The following P2RY6 variants were observed in gnomAD, a reference collection of about 807,000 sequenced individuals.
The protein encoded by P2RY6 is pyrimidinergic receptor P2Y6.
Under a neutral mutation model 16.3 loss-of-function variants are expected in P2RY6, and 19 were observed. That is an observed-to-expected ratio of 1.16 (90% CI 0.81 to 1.71). The LOEUF is 1.71. Among genes scored for constraint, P2RY6 ranks in the 40% most tolerant of loss-of-function variants. The pLI is 0.00. For synonymous variants in P2RY6, 184 were observed against 201.5 expected (o/e 0.91, Z 0.74); for missense variants, 389 against 455.5 (o/e 0.85, Z 1.33).
intron 1 of P2RY6, among the ~76,000 whole-genome samples, chr11:73,291,948 C>T (rs772452012): frequency 2.0e-5 from 3 of 152,252 alleles, no homozygotes; most frequent in Non-Finnish European, 4.4e-5. Flanking sequence ...TGCCTTGCTG[C>T]CTCAGCTGCT....
chr11:73,278,503 C>G (rs1863633653), intron 1 of P2RY6, among the ~76,000 whole-genome samples: 1 of 152,110 alleles, frequency 6.6e-6, no homozygotes, highest in Admixed American at 6.6e-5. Context: ...AACTCTATGC[C>G]CATTAAATAA....
At chr11:73,296,232 AAATATATAT>A (rs1313828085) in intron 2 of P2RY6, among the ~76,000 whole-genome samples, 1,960 of 132,862 alleles carry the variant, frequency 0.015, 39 homozygotes, top group African/African-American at 0.058. Context: ...GGAAAAAAAA[AAATATATAT>A]ATATATATAT....
At chr11:73,294,205 A>G (rs1487663411) in intron 1 of P2RY6, among the ~76,000 whole-genome samples, 1 of 152,088 alleles carries the variant, frequency 6.6e-6, no homozygotes, top group African/African-American at 2.4e-5. Flanking sequence ...AATCCTCCTC[A>G]ACCACCCAGG....
chr11:73,289,664 G>A (rs1218254705), intron 1 of P2RY6, among the ~76,000 whole-genome samples: 1 of 152,236 alleles, frequency 6.6e-6, no homozygotes, highest in Non-Finnish European at 1.5e-5. Context: ...CATGGCTACA[G>A]GGTCTCAATG....
chr11:73,275,889 A>G (rs1863515569), intron 1 of P2RY6, among the ~76,000 whole-genome samples: 1 of 152,240 alleles, frequency 6.6e-6, no homozygotes, highest in Non-Finnish European at 1.5e-5. Flanking sequence ...TTTATCTTAT[A>G]ATAACAGCAA....
chr11:73,290,361 AAGAAGGAAAGAAAGAG>A (rs1266302680), intron 1 of P2RY6, among the ~76,000 whole-genome samples: 1 of 106,870 alleles, frequency 9.4e-6, no homozygotes, highest in African/African-American at 4.2e-5. Context: ...GAAAGAAAGA[AAGAAGGAAAGAAAGAG>A]AAAGAAAGAA....
At chr11:73,295,933 GTCTC>G in intron 2 of P2RY6, 118 bp downstream of exon 2, 1 of 206,822 alleles carries the variant, frequency 4.8e-6, no homozygotes, top group Non-Finnish European at 8.5e-6. Flanking sequence ...GCAGGTCTCA[GTCTC>G]TGAGAGACAT....
At chr11:73,277,721 C>T (rs1170375181) in intron 1 of P2RY6, among the ~76,000 whole-genome samples, 1 of 152,218 alleles carries the variant, frequency 6.6e-6, no homozygotes, top group Non-Finnish European at 1.5e-5. Context: ...AGCAAACCTA[C>T]CTGAACTTTG....
intron 1 of P2RY6, among the ~76,000 whole-genome samples, chr11:73,278,096 C>T (rs182849266): frequency 3.9e-5 from 6 of 152,270 alleles, no homozygotes; most frequent in Admixed American, 2.6e-4. Flanking sequence ...ACTAAGTATA[C>T]GCACATTGTT....
In P2RY6 at chr11:73,297,236, A is replaced by C; in HGVS notation, c.718A>C (p.Met240Leu). The C allele has an allele frequency of 6.2e-7, 1 of 1,603,988 alleles. No homozygotes were observed. The change falls in exon 3 of 3, where the codon ATG (methionine) becomes CTG (leucine). Residue 240 changes from methionine (M) to leucine (L), a missense_variant. Coordinates refer to ENST00000540124, the MANE Select transcript of P2RY6 (RefSeq NM_001277204.2). ...GGAGCGGCGTGGCAAGGCGGCCCGC[A>C]TGGCCGTGGTGGTGGCTGCTGCCTT... is the stretch of plus-strand genomic sequence containing the variant. ...AQERRGKAAR[M>L]AVVVAAAFAI... is the part of the protein sequence containing the mutation.
At chr11:73,285,102 G>A (rs181245045) in intron 1 of P2RY6, among the ~76,000 whole-genome samples, 13 of 152,278 alleles carry the variant, frequency 8.5e-5, no homozygotes, top group South Asian at 2.1e-4. Flanking sequence ...ACAGGGTCTC[G>A]CTCTGTAGCC....
At chr11:73,274,504 T>C (rs1214178371) in intron 1 of P2RY6, among the ~76,000 whole-genome samples, 1 of 141,300 alleles carries the variant, frequency 7.1e-6, no homozygotes, top group Non-Finnish European at 1.5e-5. Flanking sequence ...ATCATACCAC[T>C]GCACTCCAGC....
intron 1 of P2RY6, among the ~76,000 whole-genome samples, chr11:73,292,195 G>A (rs964698161): frequency 6.6e-6 from 1 of 152,266 alleles, no homozygotes; most frequent in Admixed American, 6.5e-5. Flanking sequence ...CGCCTGCCGT[G>A]TGGAAGGGGC....
chr11:73,268,875 C>T (rs1863191618), upstream of P2RY6, among the ~76,000 whole-genome samples: 2 of 152,220 alleles, frequency 1.3e-5, no homozygotes, highest in Admixed American at 6.5e-5. Context: ...ACCATTCCTG[C>T]CTGCCAGGGG....
chr11:73,284,601 C>T (rs1863894152), intron 1 of P2RY6, among the ~76,000 whole-genome samples: 1 of 152,212 alleles, frequency 6.6e-6, no homozygotes, highest in Admixed American at 6.5e-5. Flanking sequence ...TTGGTGCTCA[C>T]GTTTAATCTC....
chr11:73,297,561 GC>G lies in P2RY6; in HGVS notation c.*60del. 1 of 1,407,676 alleles carries G rather than the reference GC, an allele frequency of 7.1e-7. No homozygotes were observed. The highest frequency in any genetic ancestry group is 9.9e-7 in the Non-Finnish European group (1 of 1,014,418). The allele number at this position is 1,407,676 out of a possible 1,614,324, so 87.2% of individuals were successfully genotyped here. A position where few individuals can be genotyped will look rare whatever the true frequency, so the allele number is the denominator to read the frequency against. ...TGCCATTGTGTCCGGGGCACCAGGA[GC>G]CCCACCAACCCCAAACCATGCGGAG... On this transcript the variant is annotated 3_prime_UTR_variant, in exon 3 of 3. Transcript: ENST00000540124.
chr11:73,270,405 C>T (rs182177500), upstream of P2RY6, among the ~76,000 whole-genome samples: 142 of 152,268 alleles, frequency 9.3e-4, no homozygotes, highest in Middle Eastern at 0.034. Context: ...ACCTCACACT[C>T]CTTTACCAGG....
rs112048219 is a variant in P2RY6, at chr11:73,290,621, C to A, written c.-120-5109C>A. On this transcript the variant is annotated intron_variant, in intron 1 of 2. Coordinates refer to ENST00000540124, the MANE Select transcript of P2RY6 (RefSeq NM_001277204.2). ...GTTAAGCTCATTCCCCACTTCTGTG[C>A]CTTTGCCCACACTGGGCCTCCTGTC... 3.9e-5 allele frequency among the ~76,000 whole-genome samples: 6 copies of A among 152,386 alleles called. 1 individual carries two copies. Among genetic ancestry groups the A allele is most frequent in the African/African-American group, 1.4e-4 (6 of 41,592 alleles).
rs1181593443 is a variant in P2RY6 at position 73,298,488 on chromosome 11, A to C, written c.*983A>C. The C allele has an allele frequency of 1.2e-5, 2 of 167,176 alleles. No individual in the cohort carries two copies. Among genetic ancestry groups the C allele is most frequent in the African/African-American group, 4.8e-5 (2 of 41,470 alleles). 10.4% of individuals were successfully genotyped at this position (167,176 alleles called of 1,614,324 possible). A position where few individuals can be genotyped will look rare whatever the true frequency, so the allele number is the denominator to read the frequency against. On this transcript the variant is annotated 3_prime_UTR_variant, in exon 3 of 3. Transcript: ENST00000540124. ...GCTTCTTAGAAGAGGCAGGGGGCGAAGTGCAGTGGCTCATGCCTGTAATCT... is the reference window on the plus strand; with the variant it reads ...GCTTCTTAGAAGAGGCAGGGGGCGACGTGCAGTGGCTCATGCCTGTAATCT...
Sources: gnomAD v4.1 joint callset for allele counts (sites outside exome capture counted in the v4.1 genomes callset) on GRCh38, gnomAD v4.1.1 for gene constraint, MANE v1.5 for transcripts, NCBI Gene and HGNC (gene_info 2026-07-23, HGNC 2026-07-21) for gene names.